Variants in UNC5C observed in about 807,000 individuals in gnomAD.
UNC5C encodes the protein netrin receptor UNC5C.
Under a neutral mutation model 99.8 loss-of-function variants are expected in UNC5C, and 47 were observed. The ratio of observed to expected loss-of-function variants is 0.47; its 90% CI spans 0.37 to 0.60. The LOEUF (loss-of-function observed/expected upper bound fraction) is 0.60. Among genes scored for constraint, UNC5C ranks in the 20% least tolerant of loss-of-function variants. The pLI is 0.00. For synonymous variants in UNC5C, 487 were observed against 452.2 expected (o/e 1.08, Z -0.98); for missense variants, 1,062 against 1,165.9 (o/e 0.91, Z 1.30).
At chr4:95,548,286 C>T (rs1021698554) in intron 1 of UNC5C, among the ~76,000 whole-genome samples, 7 of 152,234 alleles carry the variant, frequency 4.6e-5, no homozygotes, top group African/African-American at 1.4e-4. Context: ...GAAGATCCTG[C>T]TACCCCAGTC....
At chr4:95,378,942 T>G (rs963582045) in intron 1 of UNC5C, among the ~76,000 whole-genome samples, 1 of 152,194 alleles carries the variant, frequency 6.6e-6, no homozygotes, top group African/African-American at 2.4e-5. Flanking sequence ...ATTTTTATTC[T>G]AAGACTTAAA....
chr4:95,283,906 G>A (rs923095622), intron 3 of UNC5C, among the ~76,000 whole-genome samples: 2 of 152,154 alleles, frequency 1.3e-5, no homozygotes, highest in East Asian at 1.9e-4. Flanking sequence ...AAAAGCTATC[G>A]TCATATGTAT....
chr4:95,524,607 C>T (rs182374465), intron 1 of UNC5C, among the ~76,000 whole-genome samples: 9 of 152,220 alleles, frequency 5.9e-5, no homozygotes, highest in African/African-American at 1.9e-4. Flanking sequence ...TTGTTTTAGA[C>T]GGGACATGTG....
intron 1 of UNC5C, among the ~76,000 whole-genome samples, chr4:95,361,969 A>T (rs1446863483): frequency 1.3e-5 from 2 of 150,606 alleles, no homozygotes; most frequent in African/African-American, 2.4e-5. Flanking sequence ...ATTATCTATT[A>T]TATATATATA....
In UNC5C at chr4:95,194,834, A is replaced by T. The variant is rs1220426795; in HGVS notation, c.2136+7897T>A. On this transcript the variant is annotated intron_variant, in intron 12 of 15. Coordinates refer to ENST00000453304, the MANE Select transcript of UNC5C (RefSeq NM_003728.4). The stretch of plus-strand genomic sequence containing the variant: ...GGTGGGGGCAGGGGTGTTATTCTGC[A>T]TACCACAACTTCTGTTTTCTTTCTG... 2.6e-5 allele frequency among the ~76,000 whole-genome samples: 4 copies of T among 152,330 alleles called. No homozygotes were observed. In the East Asian group the frequency reaches 5.8e-4, roughly 22 times the overall value.
At chr4:95,207,771 G>A (rs889244583) in intron 10 of UNC5C, among the ~76,000 whole-genome samples, 3 of 152,166 alleles carry the variant, frequency 2.0e-5, no homozygotes, top group East Asian at 1.9e-4. Flanking sequence ...CATGGCTGAC[G>A]TATAGTTAGT....
chr4:95,280,098 G>A (rs1316269347), intron 3 of UNC5C, among the ~76,000 whole-genome samples: 6 of 152,142 alleles, frequency 3.9e-5, no homozygotes, highest in South Asian at 4.1e-4. Context: ...AACAGACCAC[G>A]GACCAGTACC....
intron 1 of UNC5C, among the ~76,000 whole-genome samples, chr4:95,379,531 G>C (rs1329687532): frequency 6.6e-6 from 1 of 152,102 alleles, no homozygotes; most frequent in East Asian, 1.9e-4. Flanking sequence ...TATTCCCCAA[G>C]CGGAGTATCC....
At chr4:95,327,059 C>T (rs1308449851) in intron 2 of UNC5C, among the ~76,000 whole-genome samples, 3 of 152,090 alleles carry the variant, frequency 2.0e-5, no homozygotes, top group South Asian at 2.1e-4. Context: ...ATTTGAAATA[C>T]GTTTCAAGAC....
intron 4 of UNC5C, among the ~76,000 whole-genome samples, chr4:95,263,290 T>C (rs1740314749): frequency 6.6e-6 from 1 of 150,948 alleles, no homozygotes; most frequent in Admixed American, 6.6e-5. Flanking sequence ...ACTATTTAAT[T>C]TTTTTGATAA....
intron 3 of UNC5C, among the ~76,000 whole-genome samples, chr4:95,298,892 A>G (rs949711020): frequency 6.6e-6 from 1 of 152,232 alleles, no homozygotes; most frequent in East Asian, 1.9e-4. Flanking sequence ...TAGTAAGATA[A>G]GGGTGCAATG....
At chr4:95,431,313 C>A (rs1267981376) in intron 1 of UNC5C, among the ~76,000 whole-genome samples, 1 of 152,054 alleles carries the variant, frequency 6.6e-6, no homozygotes, top group Non-Finnish European at 1.5e-5. Flanking sequence ...AGAATCATCT[C>A]GAAAGCCTGT....
chr4:95,427,074 G>A (rs543714133), intron 1 of UNC5C, among the ~76,000 whole-genome samples: 2 of 152,156 alleles, frequency 1.3e-5, no homozygotes, highest in African/African-American at 4.8e-5. Flanking sequence ...TGACTTTGAG[G>A]GGGTTCAAGA....
intron 7 of UNC5C, among the ~76,000 whole-genome samples, chr4:95,240,801 A>G (rs1458545591): frequency 1.3e-5 from 2 of 152,216 alleles, no homozygotes; most frequent in Admixed American, 6.5e-5. Context: ...TTGCTATGTC[A>G]TGAAAGTCTT....
intron 1 of UNC5C, among the ~76,000 whole-genome samples, chr4:95,513,561 C>T (rs1358567288): frequency 1.3e-5 from 2 of 151,940 alleles, no homozygotes; most frequent in African/African-American, 4.8e-5. Context: ...AAAATTCAAG[C>T]TTAATATATA....
At chr4:95,253,070 C>T (rs960410634) in intron 4 of UNC5C, among the ~76,000 whole-genome samples, 3 of 152,130 alleles carry the variant, frequency 2.0e-5, no homozygotes, top group African/African-American at 4.8e-5. Context: ...ATTCTGGTCT[C>T]ACACATTCTG....
At chr4:95,365,752 AAAC>A (rs1293323955) in intron 1 of UNC5C, among the ~76,000 whole-genome samples, 2 of 152,152 alleles carry the variant, frequency 1.3e-5, no homozygotes, top group Non-Finnish European at 2.9e-5. Context: ...CACTGAGAAT[AAAC>A]AACATTAAAG....
rs1458601532 is a variant in UNC5C, at chr4:95,322,641, A to G, written c.346+12769T>C. ...ATAAGACTGTGATTTTTGCACTTCAAAAATGGTTGAATATTGGCCAGGCAC... is the reference window on the plus strand; with the variant it reads ...ATAAGACTGTGATTTTTGCACTTCAGAAATGGTTGAATATTGGCCAGGCAC... On this transcript the variant is annotated intron_variant, in intron 2 of 15. Transcript: ENST00000453304. Among the ~76,000 whole-genome samples the G allele has an allele frequency of 3.3e-5, 5 of 152,112 alleles. No homozygotes were observed. The East Asian group carries it at 7.7e-4, about 23-fold the overall frequency.
chr4:95,362,170 T>C (rs769557739), intron 1 of UNC5C, among the ~76,000 whole-genome samples: 1 of 152,122 alleles, frequency 6.6e-6, no homozygotes, highest in African/African-American at 2.4e-5. Flanking sequence ...TTTTCTATCA[T>C]CTATTTCTTC....
Sources: allele counts gnomAD v4.1 joint callset (sites outside exome capture counted in the v4.1 genomes callset), GRCh38; gene constraint gnomAD v4.1.1; transcripts MANE v1.5; gene names NCBI Gene and HGNC (gene_info 2026-07-23, HGNC 2026-07-21).